TRAPPC9: variants seen among roughly 807,000 people sequenced by gnomAD.
The protein encoded by TRAPPC9 is trafficking protein particle complex subunit 9, also known as IKK2 binding protein.
TRAPPC9 carries 83 observed loss-of-function variants against 124.0 expected under a neutral mutation model. The observed-to-expected ratio is 0.67, with a 90% CI of 0.56 to 0.80. TRAPPC9 has a LOEUF of 0.80. Ranked by LOEUF, TRAPPC9 falls within the 30% of genes least tolerant of loss-of-function variation. TRAPPC9 has a pLI of 0.00. For missense variants in TRAPPC9, 1,302 were observed against 1,508.3 expected (o/e 0.86, Z 2.27); for synonymous variants, 638 against 617.5 (o/e 1.03, Z -0.49).
chr8:139,948,294 C>T (rs1214412843), intron 19 of TRAPPC9, among the ~76,000 whole-genome samples: 1 of 136,360 alleles, frequency 7.3e-6, no homozygotes, highest in Non-Finnish European at 1.6e-5. Flanking sequence ...CACACACACA[C>T]ACTGTGACGT....
At chr8:140,236,099 T>TTTTC (rs1554648421) in intron 16 of TRAPPC9, among the ~76,000 whole-genome samples, 1 of 141,926 alleles carries the variant, frequency 7.0e-6, no homozygotes, top group African/African-American at 2.6e-5. Flanking sequence ...TTTTTTTTTT[T>TTTTC]TGAGACAGAG....
chr8:140,131,562 G>C (rs977460445), intron 17 of TRAPPC9, among the ~76,000 whole-genome samples: 6 of 152,202 alleles, frequency 3.9e-5, no homozygotes, highest in African/African-American at 1.4e-4. Flanking sequence ...GCCAAGGGGT[G>C]CGGCTCTGTG....
rs1381072514 is a variant in TRAPPC9, at chr8:140,257,968, G to C, written c.2279-5039C>G. Among the ~76,000 whole-genome samples the C allele has an allele frequency of 1.3e-5, 2 of 152,180 alleles. No individual in the cohort carries two copies. The highest frequency in any genetic ancestry group is 4.8e-5 in the African/African-American group (2 of 41,442). On this transcript the variant is annotated intron_variant, in intron 15 of 22. Transcript: ENST00000438773. The surrounding 1 kb of genome is among the most constrained non-coding windows in gnomAD (Gnocchi z 4.6). ...GTCATTCTTCAGATAAATATTTATT[G>C]AGTGTCTCCTGTGTGTCAAGCTCTG...
intron 17 of TRAPPC9, among the ~76,000 whole-genome samples, chr8:140,030,829 G>A (rs931892850): frequency 2.0e-5 from 3 of 152,174 alleles, no homozygotes; most frequent in Admixed American, 2.0e-4. Context: ...CAAGGAGATC[G>A]GCAGTTGCCT....
At chr8:140,197,310 G>A (rs1480246309) in intron 17 of TRAPPC9, among the ~76,000 whole-genome samples, 2 of 152,218 alleles carry the variant, frequency 1.3e-5, no homozygotes, top group Non-Finnish European at 2.9e-5. Context: ...TAACATAAGA[G>A]CACTGCAGTC....
chr8:139,840,869 A>T (rs1826681803), intron 21 of TRAPPC9, among the ~76,000 whole-genome samples: 1 of 151,958 alleles, frequency 6.6e-6, no homozygotes, highest in Non-Finnish European at 1.5e-5. Context: ...GCTACTTTCT[A>T]TGGCTGCCTC....
intron 7 of TRAPPC9, among the ~76,000 whole-genome samples, chr8:140,384,713 A>G (rs2068706214): frequency 6.6e-6 from 1 of 152,240 alleles, no homozygotes; most frequent in Non-Finnish European, 1.5e-5. Context: ...CCCACACAGT[A>G]ATAATGGGAG....
intron 17 of TRAPPC9, among the ~76,000 whole-genome samples, chr8:140,084,444 T>A (rs1039885662): frequency 1.3e-5 from 2 of 152,200 alleles, no homozygotes; most frequent in Non-Finnish European, 2.9e-5. Flanking sequence ...GCGTGTCCCT[T>A]CTCTGGTTAA....
intron 17 of TRAPPC9, among the ~76,000 whole-genome samples, chr8:140,133,862 C>A (rs77898761): frequency 6.6e-6 from 1 of 150,930 alleles, no homozygotes; most frequent in Non-Finnish European, 1.5e-5. Flanking sequence ...AAGACTTGTA[C>A]ACTACAAATT....
At chr8:139,931,576 G>C (rs1428455704) in intron 19 of TRAPPC9, 2 of 152,278 alleles carry the variant, frequency 1.3e-5, no homozygotes, top group Non-Finnish European at 2.9e-5. Flanking sequence ...CTTTGGACCT[G>C]AGCCTCTGGG....
At chr8:140,321,194 C>T (rs966312314) in intron 9 of TRAPPC9, among the ~76,000 whole-genome samples, 11 of 152,326 alleles carry the variant, frequency 7.2e-5, no homozygotes, top group Middle Eastern at 3.4e-3. Context: ...GCCGGCAGAG[C>T]GCTCCAGGCA....
chr8:139,809,703 C>T (rs765503505), intron 21 of TRAPPC9, among the ~76,000 whole-genome samples: 2 of 152,130 alleles, frequency 1.3e-5, no homozygotes, highest in Non-Finnish European at 2.9e-5. Flanking sequence ...CCCCAGATGA[C>T]AGCCAGCACA....
intron 18 of TRAPPC9, among the ~76,000 whole-genome samples, chr8:139,999,618 T>C (rs1838261438): frequency 6.6e-6 from 1 of 152,106 alleles, no homozygotes; most frequent in African/African-American, 2.4e-5. Context: ...AGAATATACA[T>C]ACTTCCCAAG....
At chr8:140,256,403 C>G (rs2064260664) in intron 15 of TRAPPC9, among the ~76,000 whole-genome samples, 1 of 152,228 alleles carries the variant, frequency 6.6e-6, no homozygotes, top group South Asian at 2.1e-4. Flanking sequence ...CTTCCCACTC[C>G]TTCAGAAGGG....
chr8:140,185,589 G>A (rs1180167405), intron 17 of TRAPPC9, among the ~76,000 whole-genome samples: 7 of 152,170 alleles, frequency 4.6e-5, no homozygotes, highest in African/African-American at 1.2e-4. Flanking sequence ...CCCACCAGAC[G>A]GAGAAGACGG....
In TRAPPC9 at chr8:140,015,163, G is replaced by C. The variant is rs368163251; in HGVS notation, c.2699+8774C>G. Among the ~76,000 whole-genome samples the C allele has an allele frequency of 1.0e-3, 157 of 151,938 alleles. 1 individual carries two copies. The highest frequency in any genetic ancestry group is 3.2e-3 in the African/African-American group (133 of 41,432). ...CAAAATTAGTCTGAATCTCTGTGTA[G>C]GCTCGCACTGGCATGTATGTGGCCA... On this transcript the variant is annotated intron_variant, in intron 18 of 22. Transcript: ENST00000438773.
intron 10 of TRAPPC9, among the ~76,000 whole-genome samples, chr8:140,303,062 C>T (rs1281435134): frequency 6.6e-6 from 1 of 152,154 alleles, no homozygotes; most frequent in Non-Finnish European, 1.5e-5. Context: ...CGAAGCACGA[C>T]CCTGAATTTG....
At chr8:139,757,308 G>A (rs1330804429) in intron 21 of TRAPPC9, among the ~76,000 whole-genome samples, 6 of 142,384 alleles carry the variant, frequency 4.2e-5, no homozygotes, top group African/African-American at 5.3e-5. Flanking sequence ...AGGACAGCAG[G>A]TCGCAGGAGG....
At position 140,124,931 on chromosome 8, in the gene TRAPPC9, T is replaced by G. The variant is rs563700545; in HGVS notation, c.2556+96528A>C. Among the ~76,000 whole-genome samples the G allele has an allele frequency of 2.0e-5, 3 of 152,372 alleles. No homozygotes were observed. In the South Asian group the frequency reaches 6.2e-4, roughly 32 times the overall value. ...TAAAAAGAAGACCTTTGGGTTTCAA[T>G]GTTGCCATTTCTGGAAAGAAAGCCC... is the stretch of plus-strand genomic sequence containing the variant. On this transcript the variant is annotated intron_variant, in intron 17 of 22. Coordinates refer to ENST00000438773, the MANE Select transcript of TRAPPC9 (RefSeq NM_001160372.4).
Sources: gnomAD v4.1 joint callset for allele counts (sites outside exome capture counted in the v4.1 genomes callset) on GRCh38, gnomAD v4.1.1 for gene constraint, Gnocchi (gnomAD v3.1) non-coding constraint, MANE v1.5 for transcripts, NCBI Gene and HGNC (gene_info 2026-07-23, HGNC 2026-07-21) for gene names.